Variants in FLCN observed in about 807,000 individuals in gnomAD.
FLCN encodes folliculin, also known as BHD skin lesion fibrofolliculoma protein.
A neutral mutation model predicts 62.5 loss-of-function variants in FLCN; 22 were observed. The observed-to-expected ratio is 0.35, with a 90% CI of 0.25 to 0.50. The LOEUF is 0.50. FLCN is among the 20% of genes least tolerant of loss of function. FLCN has a pLI of 0.97. For synonymous variants in FLCN, 319 were observed against 310.0 expected (o/e 1.03, Z -0.30); for missense variants, 657 against 778.0 (o/e 0.84, Z 1.85).
chr17:17,215,405 T>C, intron 11 of FLCN, 89 bp from the exon 12 acceptor site: 1 of 1,597,848 alleles, frequency 6.3e-7, no homozygotes, highest in Admixed American at 1.7e-5. Flanking sequence ...ACTCCGCTCA[T>C]CCCAGGTCAG....
Position 17,216,361 on chromosome 17 carries a change from A to C in FLCN, c.1300+19T>G. On this transcript the variant is annotated intron_variant, in intron 11 of 13. Coordinates refer to ENST00000285071, the MANE Select transcript of FLCN (RefSeq NM_144997.7). The surrounding 1 kb of genome is among the most constrained non-coding windows in gnomAD (Gnocchi z 4.0). ...ACCTCAGCGCAGGGCATGGCCCCACAGCCCGCGGGGGCACGCACCTGAGGA... is the reference window on the plus strand; with the variant it reads ...ACCTCAGCGCAGGGCATGGCCCCACCGCCCGCGGGGGCACGCACCTGAGGA... The C allele has an allele frequency of 6.2e-7, 1 of 1,612,844 alleles. No homozygotes were observed. Among genetic ancestry groups the C allele is most frequent in the Non-Finnish European group, 8.5e-7 (1 of 1,179,478 alleles).
intron 9 of FLCN, chr17:17,217,447 A>G (rs1008225990): frequency 2.4e-5 from 13 of 532,282 alleles, no homozygotes; most frequent in African/African-American, 2.1e-4. Context: ...AATTTGAAGC[A>G]AAAAGATGTT....
intron 3 of FLCN, among the ~76,000 whole-genome samples, chr17:17,231,370 G>C (rs2047416995): frequency 6.6e-6 from 1 of 152,168 alleles, no homozygotes; most frequent in African/African-American, 2.4e-5. Flanking sequence ...ATTGCTTTCT[G>C]GGTGTGGCTG....
Position 17,216,830 on chromosome 17 carries a change from CAT to C in FLCN, c.1176+237_1176+238del. The C allele has an allele frequency of 1.6e-6, 1 of 614,250 alleles. No individual in the cohort carries two copies. The highest frequency in any genetic ancestry group is 2.9e-6 in the Non-Finnish European group (1 of 343,872). The allele number at this position is 614,250 out of a possible 1,614,324, so 38.0% of individuals were successfully genotyped here. ...AAAGAAGCTTTTACCAAGACTGTGT[CAT>C]ATGCATTTTTGTTCCCTCTCAGGCC... On this transcript the variant is annotated intron_variant, in intron 10 of 13. Transcript: ENST00000285071. This position sits in a 1 kb window ranked among gnomAD's most constrained non-coding sequence, Gnocchi z 4.0.
intron 5 of FLCN, 27 bp from the exon 6 acceptor site, chr17:17,224,170 G>A (rs1429311506): frequency 2.2e-5 from 34 of 1,550,768 alleles, no homozygotes; most frequent in Non-Finnish European, 2.8e-5. Flanking sequence ...GACTCAGACA[G>A]CCCTTTCCTC....
Position 17,213,813 on chromosome 17 carries a change from G to A in FLCN, c.1582C>T (p.Pro528Ser), listed in dbSNP as rs2144811761. ...LFKFTKVDSRPKEDTQKLLSI... is the reference protein window; with the variant it reads ...LFKFTKVDSRSKEDTQKLLSI... ...AGCAGCTTCTGTGTGTCCTCTTTGG[G>A]TCGACTGTCCACCTTGGTGAACTTA... is the stretch of plus-strand genomic sequence containing the variant. The change falls in exon 14 of 14, where the codon CCC (proline) becomes TCC (serine). Residue 528 changes from proline to serine, a missense_variant. Physicochemically the swap from Pro to Ser is moderately conservative, Grantham distance 74. Coordinates refer to ENST00000285071, the MANE Select transcript of FLCN (RefSeq NM_144997.7). 15 of 1,614,206 alleles carry A rather than the reference G, an allele frequency of 9.3e-6. No homozygotes were observed. The highest frequency in any genetic ancestry group is 1.3e-5 in the Non-Finnish European group (15 of 1,180,044).
chr17:17,237,053 G>A lies in FLCN; in HGVS notation c.-369C>T. On this transcript the variant is annotated 5_prime_UTR_variant, in exon 1 of 14. Coordinates refer to ENST00000285071, the MANE Select transcript of FLCN (RefSeq NM_144997.7). ...GCGGAATCACACCCAGAGCCCCCAA[G>A]CCCACGGCAGGGATGTCACCCGGGG... The A allele has an allele frequency of 6.6e-6, 1 of 152,216 alleles. No individual in the cohort carries two copies. Among genetic ancestry groups the A allele is most frequent in the East Asian group, 1.9e-4 (1 of 5,190 alleles). 9.4% of individuals were successfully genotyped at this position (152,216 alleles called of 1,614,324 possible). A position where few individuals can be genotyped will look rare whatever the true frequency, so the allele number is the denominator to read the frequency against.
Position 17,221,618 on chromosome 17 carries a change from C to A in FLCN, c.790G>T (p.Ala264Ser). 6.2e-7 allele frequency: 1 copy of A among 1,608,084 alleles called. No homozygotes were observed. The highest frequency in any genetic ancestry group is 8.5e-7 in the Non-Finnish European group (1 of 1,179,934). Residue 264 changes from alanine (A) to serine (S), a missense_variant, in exon 8 of 14, where the codon GCG becomes TCG. Coordinates refer to ENST00000285071, the MANE Select transcript of FLCN (RefSeq NM_144997.7). ...LHTSFAWLLKACGSRLTEKLL... is the reference protein window; with the variant it reads ...LHTSFAWLLKSCGSRLTEKLL... Reference sequence around the variant, plus strand: ...TTCTCGGTCAGCCGGCTGCCACACGCCTTCAGGAGCCTGGAGAACACAGCA... The same window carrying A: ...TTCTCGGTCAGCCGGCTGCCACACGACTTCAGGAGCCTGGAGAACACAGCA...
Position 17,223,836 on chromosome 17 carries a change from G to T in FLCN, c.618+86C>A, listed in dbSNP as rs562692395. Reference sequence around the variant, plus strand: ...CTGTAAGCAGAGGGGAAGACGCCACGCGGTCTCCAGGCCTCAACCTCAGCA... The same window carrying T: ...CTGTAAGCAGAGGGGAAGACGCCACTCGGTCTCCAGGCCTCAACCTCAGCA... On this transcript the variant is annotated intron_variant, in intron 6 of 13. Transcript: ENST00000285071. 2,275 of 1,361,774 alleles carry T rather than the reference G, an allele frequency of 1.7e-3. 5 individuals carry two copies. Among genetic ancestry groups the T allele is most frequent in the Non-Finnish European group, 2.2e-3 (2,093 of 962,206 alleles). The allele number at this position is 1,361,774 out of a possible 1,614,324, so 84.4% of individuals were successfully genotyped here.
At chr17:17,226,374 A>T in intron 4 of FLCN, 52 bp from the exon 5 acceptor site, 1 of 1,610,490 alleles carries the variant, frequency 6.2e-7, no homozygotes. Flanking sequence ...AGGGCGACAA[A>T]CTCTCTTAGG....
intron 8 of FLCN, chr17:17,220,514 G>T (rs971420477): frequency 6.6e-6 from 1 of 152,256 alleles, no homozygotes. Flanking sequence ...GAGACCCAAA[G>T]GGAAGGGTGC....
rs1035299668 is a variant in FLCN at position 17,215,461 on chromosome 17, G to T, written c.1301-145C>A. 7.6e-6 allele frequency: 10 copies of T among 1,315,008 alleles called. No homozygotes were observed. In the Admixed American group the frequency reaches 1.8e-4, roughly 23 times the overall value. The allele number at this position is 1,315,008 out of a possible 1,614,324, so 81.5% of individuals were successfully genotyped here. ...AAGACTGGCCCAAATCAATGCTTTG[G>T]TATTTAAAACCTTTCAGGTTATTCG... On this transcript the variant is annotated intron_variant, in intron 11 of 13. Transcript: ENST00000285071.
At chr17:17,236,202 A>C (rs1468492116) in intron 1 of FLCN, 1 of 152,198 alleles carries the variant, frequency 6.6e-6, no homozygotes, top group Admixed American at 6.5e-5. Flanking sequence ...CCAGGGTGAA[A>C]AGTTCTGCAG....
chr17:17,228,493 C>A, intron 3 of FLCN: 1 of 330,138 alleles, frequency 3.0e-6, no homozygotes, highest in Non-Finnish European at 5.8e-6. Context: ...CCAAACCTGG[C>A]AAACCCTGTG....
At chr17:17,233,666 T>C (rs1013341003) in intron 1 of FLCN, among the ~76,000 whole-genome samples, 1 of 148,320 alleles carries the variant, frequency 6.7e-6, no homozygotes, top group South Asian at 2.1e-4. Flanking sequence ...GGGACTAAGT[T>C]GGGAGGTCAC....
At chr17:17,221,828 T>G (rs2047100180) in intron 7 of FLCN, among the ~76,000 whole-genome samples, 200 bp from the exon 8 acceptor site, 1 of 152,008 alleles carries the variant, frequency 6.6e-6, no homozygotes, top group East Asian at 1.9e-4. Flanking sequence ...TGGGAGGAAC[T>G]TGGAGGGGAG....
At chr17:17,215,982 G>T (rs2046907508) in intron 11 of FLCN, among the ~76,000 whole-genome samples, 1 of 152,230 alleles carries the variant, frequency 6.6e-6, no homozygotes, top group South Asian at 2.1e-4. Context: ...GAGGAGAGCA[G>T]AAGTCAGGAC....
rs1468227944 is a variant in FLCN at position 17,223,989 on chromosome 17, T to G, written c.551A>C (p.Asn184Thr). The change falls in exon 6 of 14, where the codon AAC (asparagine) becomes ACC (threonine). Residue 184 changes from asparagine (N) to threonine (T), a missense_variant. Transcript: ENST00000285071. ...TIMMDRIYLI[N>T]SWPFLLGKVR... is the part of the protein sequence containing the mutation. ...CTTCCCCAGCAGGAAGGGCCAGGAG[T>G]TGATGAGGTAGATCCGGTCCATCAT... 2 of 1,613,418 alleles carry G rather than the reference T, an allele frequency of 1.2e-6. No individual in the cohort carries two copies. The highest frequency in any genetic ancestry group is 1.1e-5 in the South Asian group (1 of 91,072).
Position 17,212,959 on chromosome 17 carries a change from C to T in FLCN, c.*696G>A, listed in dbSNP as rs943697642. On this transcript the variant is annotated 3_prime_UTR_variant, in exon 14 of 14. Transcript: ENST00000285071. ...GGGATTGGGCAAGTCAGATGCTTGC[C>T]GACCCCTCAGCAACCTGTCTTGTGC... 4 of 236,342 alleles carry T rather than the reference C, an allele frequency of 1.7e-5. No homozygotes were observed. The highest frequency in any genetic ancestry group is 4.4e-5 in the African/African-American group (2 of 45,270). The allele number at this position is 236,342 out of a possible 1,614,324, so 14.6% of individuals were successfully genotyped here. A position where few individuals can be genotyped will look rare whatever the true frequency, so the allele number is the denominator to read the frequency against.
Sources: allele counts gnomAD v4.1 joint callset (sites outside exome capture counted in the v4.1 genomes callset), GRCh38; gene constraint gnomAD v4.1.1; non-coding constraint Gnocchi (gnomAD v3.1); transcripts MANE v1.5; gene names NCBI Gene and HGNC (gene_info 2026-07-23, HGNC 2026-07-21).